The following KANK1 variants were observed in gnomAD, a reference collection of about 807,000 sequenced individuals.
KANK1 encodes KN motif and ankyrin repeat domain-containing protein 1.
In KANK1, 109 loss-of-function variants were observed where a neutral mutation model predicts 106.2. The observed-to-expected ratio is 1.03, with a 90% CI of 0.88 to 1.20. KANK1 has a LOEUF of 1.20. Ranked by LOEUF, KANK1 falls within the 50% of genes most tolerant of loss-of-function variation. The pLI is 0.00. For missense variants in KANK1, 2,399 were observed against 1,710.7 expected, an observed-to-expected ratio of 1.40 and a Z score of -7.10; for synonymous variants, 873 against 652.2, an observed-to-expected ratio of 1.34 and a Z score of -5.16.
upstream of KANK1, among the ~76,000 whole-genome samples, chr9:503,012 T>C (rs1207354332): frequency 2.8e-5 from 4 of 140,960 alleles, no homozygotes; most frequent in African/African-American, 1.1e-4. Context: ...TTTTTTTTTT[T>C]TTTTTTTTTT....
At chr9:499,239 A>G (rs2058509076) in intron 3 of KANK1, among the ~76,000 whole-genome samples, 1 of 152,172 alleles carries the variant, frequency 6.6e-6, no homozygotes, top group Non-Finnish European at 1.5e-5. Context: ...ATTCCTAGAT[A>G]CATACCTAAG....
At chr9:684,047 C>T in intron 2 of KANK1, 1 of 445,706 alleles carries the variant, frequency 2.2e-6, no homozygotes, top group Non-Finnish European at 2.9e-6. Context: ...TGTGGTTAAT[C>T]AGAACCTCAG....
Position 504,772 on chromosome 9 carries a change from G to GTCGTGCCGCGCC in KANK1, c.-84+18_-84+19insTCGTGCCGCGCC, listed in dbSNP as rs1408589130. ...GGCCGAAGGTGAGTGACGCGGCGGG[G>GTCGTGCCGCGCC]CCGTGCCGCGCCCCGTGCCGCGGCG... On this transcript the variant is annotated intron_variant, in intron 1 of 11. Coordinates refer to ENST00000382297, the MANE Select transcript of KANK1 (RefSeq NM_015158.5). 6.7e-6 allele frequency: 1 copy of GTCGTGCCGCGCC among 148,290 alleles called. No individual in the cohort carries two copies. The highest frequency in any genetic ancestry group is 2.5e-5 in the African/African-American group (1 of 40,228). The allele number at this position is 148,290 out of a possible 1,614,324, so 9.2% of individuals were successfully genotyped here.
intron 1 of KANK1, among the ~76,000 whole-genome samples, chr9:594,390 C>A (rs1825727693): frequency 6.6e-6 from 1 of 151,808 alleles, no homozygotes; most frequent in Non-Finnish European, 1.5e-5. Context: ...TCAAAACTTT[C>A]TTCATTTTCT....
Position 713,045 on chromosome 9 carries a change from G to A in KANK1, c.2279G>A (p.Gly760Asp), listed in dbSNP as rs764534086. 10 of 1,614,196 alleles carry A rather than the reference G, an allele frequency of 6.2e-6. No homozygotes were observed. Among genetic ancestry groups the A allele is most frequent in the Admixed American group, 5.0e-5 (3 of 60,030 alleles). Residue 760 changes from glycine (G) to aspartate (D), a missense_variant, in exon 3 of 12, where the codon GGT (glycine) becomes GAT (aspartate). Transcript: ENST00000382297. ...TCAGCTGTGAAGACCAAAGAGTCAG[G>A]TGTGGGGCAGATAAATATTAACGAC... Reference protein sequence around the residue: ...RPSAVKTKESGVGQININDNY... With the variant: ...RPSAVKTKESDVGQININDNY...
Position 637,106 on chromosome 9 carries a change from C to T in KANK1, c.-83-39784C>T, listed in dbSNP as rs573964497. ...CTACTTTATTCCACTCCTCCAACAACTCCTTAATTTCTGCTGTATCAGCAG... is the reference window on the plus strand; with the variant it reads ...CTACTTTATTCCACTCCTCCAACAATTCCTTAATTTCTGCTGTATCAGCAG... On this transcript the variant is annotated intron_variant, in intron 1 of 11. Coordinates refer to ENST00000382297, the MANE Select transcript of KANK1 (RefSeq NM_015158.5). 2.6e-5 allele frequency among the ~76,000 whole-genome samples: 4 copies of T among 152,316 alleles called. No individual in the cohort carries two copies. In the East Asian group the frequency reaches 7.7e-4, roughly 29 times the overall value.
At chr9:736,323 A>C (rs1010664735) in intron 7 of KANK1, among the ~76,000 whole-genome samples, 1 of 152,122 alleles carries the variant, frequency 6.6e-6, no homozygotes, top group African/African-American at 2.4e-5. Context: ...TTTGTATTAC[A>C]TATTTTTTAA....
Position 578,629 on chromosome 9 carries a change from G to A in KANK1, c.-84+73875G>A, listed in dbSNP as rs180888960. On this transcript the variant is annotated intron_variant, in intron 1 of 11. Transcript: ENST00000382297. ...TAAATATGTAAACAGCTAGATTTAT[G>A]CACTGTTAAAGCATCAGTGCAAGTT... 6.2e-4 allele frequency among the ~76,000 whole-genome samples: 94 copies of A among 152,092 alleles called. 1 individual carries two copies. Among genetic ancestry groups the A allele is most frequent in the African/African-American group, 2.2e-3 (93 of 41,474 alleles).
chr9:505,757 A>G (rs557260910), intron 1 of KANK1, among the ~76,000 whole-genome samples: 114 of 152,312 alleles, frequency 7.5e-4, no homozygotes, highest in African/African-American at 2.6e-3. Context: ...AGTGGATTCT[A>G]TTAGACCCTG....
Position 745,180 on chromosome 9 carries a change from C to T in KANK1, c.4004C>T (p.Pro1335Leu). Residue 1335 changes from proline (P) to leucine (L), a missense_variant, in exon 12 of 12, where the codon CCT (proline) becomes CTT (leucine). Coordinates refer to ENST00000382297, the MANE Select transcript of KANK1 (RefSeq NM_015158.5). ...NFAKAQSPGT[P>L]RLGRKTSPGP... ...TCCTTTCCTGGTCTCTAGGGCACCCCTAGGCTTGGAAGGAAGACGTCTCCT... is the reference window on the plus strand; with the variant it reads ...TCCTTTCCTGGTCTCTAGGGCACCCTTAGGCTTGGAAGGAAGACGTCTCCT... The T allele has an allele frequency of 6.2e-7, 1 of 1,614,052 alleles. No individual in the cohort carries two copies. Among genetic ancestry groups the T allele is most frequent in the South Asian group, 1.1e-5 (1 of 91,068 alleles).
chr9:743,333 G>C lies in KANK1; in HGVS notation c.3897+928G>C, dbSNP rs532258063. Among the ~76,000 whole-genome samples, 6 of 152,314 alleles carry C rather than the reference G, an allele frequency of 3.9e-5. No individual in the cohort carries two copies. In the East Asian group the frequency reaches 9.7e-4, roughly 25 times the overall value. ...GAGGGACTGACTAGCTTCACACTCA[G>C]CCATCTCCACAGGAGCACATGGAAG... On this transcript the variant is annotated intron_variant, in intron 10 of 11. Transcript: ENST00000382297.
intron 1 of KANK1, among the ~76,000 whole-genome samples, chr9:528,578 T>G (rs1587533971): frequency 6.8e-6 from 1 of 147,872 alleles, no homozygotes; most frequent in African/African-American, 2.5e-5. Context: ...GCCTTCTGGG[T>G]TGAAGGTTGA....
chr9:715,003 G>T (rs1315124600), intron 3 of KANK1, among the ~76,000 whole-genome samples: 5 of 152,160 alleles, frequency 3.3e-5, no homozygotes, highest in South Asian at 2.1e-4. Context: ...AGAAATTCCA[G>T]TCTTTCTATT....
chr9:703,046 C>T (rs189457272), intron 2 of KANK1, among the ~76,000 whole-genome samples: 8 of 152,130 alleles, frequency 5.3e-5, no homozygotes, highest in Middle Eastern at 6.8e-3. Context: ...GGCTGGAATG[C>T]GGTGGTGCAA....
chr9:577,862 G>A (rs1820993789), intron 1 of KANK1, among the ~76,000 whole-genome samples: 1 of 152,078 alleles, frequency 6.6e-6, no homozygotes, highest in Non-Finnish European at 1.5e-5. Context: ...TAATTTTCTG[G>A]GAAAGTAAAG....
chr9:494,605 A>G (rs1251481707), intron 3 of KANK1, among the ~76,000 whole-genome samples: 1 of 152,142 alleles, frequency 6.6e-6, no homozygotes, highest in African/African-American at 2.4e-5. Context: ...TCTGGGGGAA[A>G]CCAGCTGCCA....
intron 2 of KANK1, among the ~76,000 whole-genome samples, chr9:693,217 T>G (rs1389164012): frequency 6.6e-6 from 1 of 152,144 alleles, no homozygotes; most frequent in Non-Finnish European, 1.5e-5. Flanking sequence ...TTGCATTAAA[T>G]AAGAAGAAAC....
At chr9:682,468 T>G (rs1016780883) in intron 2 of KANK1, among the ~76,000 whole-genome samples, 3 of 152,176 alleles carry the variant, frequency 2.0e-5, no homozygotes, top group African/African-American at 4.8e-5. Context: ...GCTCTTGACT[T>G]TAACATTCTT....
intron 1 of KANK1, among the ~76,000 whole-genome samples, chr9:652,648 A>G (rs4463483): frequency 0.2 from 30,009 of 152,194 alleles, 3,148 homozygotes; most frequent in East Asian, 0.32. Context: ...TGTGGTTGTT[A>G]TCTTAGGAAG....
Sources: allele counts gnomAD v4.1 joint callset (sites outside exome capture counted in the v4.1 genomes callset), GRCh38; gene constraint gnomAD v4.1.1; transcripts MANE v1.5; gene names NCBI Gene and HGNC (gene_info 2026-07-23, HGNC 2026-07-21).